The following S100A2 variants were observed in gnomAD, a reference collection of about 807,000 sequenced individuals.
S100A2 encodes S100 calcium binding protein A2, also known as protein S100-A2.
In S100A2, 5 loss-of-function variants were observed where a neutral mutation model predicts 4.3. The ratio of observed to expected loss-of-function variants is 1.16; its 90% CI spans 0.61 to 2.44. The LOEUF (loss-of-function observed/expected upper bound fraction) is 2.44, where lower values mean the gene tolerates loss of function less well. S100A2 is among the 30% of genes most tolerant of loss of function. The pLI, the probability that S100A2 is intolerant of heterozygous loss-of-function variation, is 0.01. For missense variants in S100A2, 103 were observed against 114.7 expected (o/e 0.90, Z 0.47); for synonymous variants, 44 against 46.0 (o/e 0.96, Z 0.17).
chr1:153,561,311 G>T lies in S100A2; in HGVS notation c.*128C>A. 1 of 1,202,458 alleles carries T rather than the reference G, an allele frequency of 8.3e-7. No individual in the cohort carries two copies. Among genetic ancestry groups the T allele is most frequent in the Non-Finnish European group, 1.2e-6 (1 of 851,866 alleles). 74.5% of individuals were successfully genotyped at this position (1,202,458 alleles called of 1,614,324 possible). A position where few individuals can be genotyped will look rare whatever the true frequency, so the allele number is the denominator to read the frequency against. ...CCCAGCACTCCAGCTGAGCCAGCCG[G>T]GTTATGGAACATCACTGAGCAATTA... On this transcript the variant is annotated 3_prime_UTR_variant, in exon 3 of 3. Coordinates refer to ENST00000368708, the MANE Select transcript of S100A2 (RefSeq NM_005978.4).
chr1:153,564,037 G>A, intron 1 of S100A2, 150 bp from the exon 2 acceptor site: 1 of 756,908 alleles, frequency 1.3e-6, no homozygotes, highest in Non-Finnish European at 2.0e-6. Context: ...CCCTCAGACT[G>A]TGGTTCCCTG....
Position 153,563,395 on chromosome 1 carries a change from AAG to A in S100A2, c.144+337_144+338del, listed in dbSNP as rs749961280. 8.5e-5 allele frequency: 127 copies of A among 1,501,052 alleles called. 1 individual carries two copies. The highest frequency in any genetic ancestry group is 3.5e-4 in the Middle Eastern group (2 of 5,762). 93.0% of individuals were successfully genotyped at this position (1,501,052 alleles called of 1,614,324 possible). A position where few individuals can be genotyped will look rare whatever the true frequency, so the allele number is the denominator to read the frequency against. Reference sequence around the variant, plus strand: ...CTCAAAAAAAAAAAAAAGAAAAGAAAAGAGAGAGAGAGAACGTGCCAGTGCTG... The same window carrying A: ...CTCAAAAAAAAAAAAAAGAAAAGAAAAGAGAGAGAGAACGTGCCAGTGCTG... On this transcript the variant is annotated intron_variant, in intron 2 of 2. Transcript: ENST00000368708.
At chr1:153,562,819 C>T (rs529777903) in intron 2 of S100A2, among the ~76,000 whole-genome samples, 1 of 151,718 alleles carries the variant, frequency 6.6e-6, no homozygotes, top group South Asian at 2.1e-4. Flanking sequence ...AGCAAGACTC[C>T]ATCTCTACAA....
chr1:153,561,887 T>C lies in S100A2; in HGVS notation c.145-296A>G, dbSNP rs552497272. Among the ~76,000 whole-genome samples, 12 of 152,320 alleles carry C rather than the reference T, an allele frequency of 7.9e-5. 2 individuals carry two copies. The highest frequency in any genetic ancestry group is 2.9e-4 in the African/African-American group (12 of 41,576). On this transcript the variant is annotated intron_variant, in intron 2 of 2. Coordinates refer to ENST00000368708, the MANE Select transcript of S100A2 (RefSeq NM_005978.4). The stretch of plus-strand genomic sequence containing the variant: ...TCCCACAGGAGCCCAGCGAGGTAGG[T>C]ATCATCACCCCATTCTGCTGATGAG...
chr1:153,563,759 T>C lies in S100A2; in HGVS notation c.119A>G (p.His40Arg). 2.5e-6 allele frequency: 4 copies of C among 1,614,172 alleles called. No homozygotes were observed. The highest frequency in any genetic ancestry group is 3.4e-6 in the Non-Finnish European group (4 of 1,180,004). Reference sequence around the variant, plus strand: ...CCCCACAAAGCTGGGCAGCTCCTTGTGCAGAAGTTCCTTCATTTCCCCCTT... The same window carrying C: ...CCCCACAAAGCTGGGCAGCTCCTTGCGCAGAAGTTCCTTCATTTCCCCCTT... ...LSKGEMKELL[H>R]KELPSFVGEK... is the part of the protein sequence containing the mutation. Residue 40 changes from histidine (H) to arginine (R), a missense_variant, in exon 2 of 3, where the codon CAC (histidine) becomes CGC (arginine). By Grantham distance (29) the His-to-Arg change is conservative. Coordinates refer to ENST00000368708, the MANE Select transcript of S100A2 (RefSeq NM_005978.4).
At chr1:153,563,497 G>A in intron 2 of S100A2, 2 of 1,550,676 alleles carry the variant, frequency 1.3e-6, no homozygotes, top group Non-Finnish European at 1.7e-6. Flanking sequence ...TTAAACAGAT[G>A]GACTCGGAAG....
chr1:153,564,174 A>T (rs1390603140), intron 1 of S100A2: 1 of 317,478 alleles, frequency 3.1e-6, no homozygotes, highest in East Asian at 5.8e-5. Flanking sequence ...TCCCCATTTT[A>T]GTGTCTGCCA....
intron 2 of S100A2, among the ~76,000 whole-genome samples, chr1:153,562,870 T>C (rs1178043727): frequency 6.6e-6 from 1 of 151,204 alleles, no homozygotes; most frequent in East Asian, 1.9e-4. Flanking sequence ...ACTCCTGTAG[T>C]TCCAACTACT....
chr1:153,563,381 AAAAAAG>A (rs1312522109), intron 2 of S100A2: 17 of 1,526,448 alleles, frequency 1.1e-5, no homozygotes, highest in Middle Eastern at 1.7e-4. Flanking sequence ...TCAAAAAAAA[AAAAAAG>A]AAAAGAAAAG....
intron 2 of S100A2, chr1:153,563,512 T>C (rs559639926): frequency 6.4e-7 from 1 of 1,550,770 alleles, no homozygotes; most frequent in East Asian, 2.4e-5. Flanking sequence ...CGGAAGGCCC[T>C]CACAGCACAT....
rs1486747555 is a variant in S100A2, at chr1:153,561,575, T to C, written c.161A>G (p.Glu54Gly). The change falls in exon 3 of 3, where the codon GAG becomes GGG. Residue 54 changes from glutamate (E) to glycine (G), a missense_variant. Coordinates refer to ENST00000368708, the MANE Select transcript of S100A2 (RefSeq NM_005978.4). ...GCTGCCCATCAGCTTCTTCAGCCCC[T>C]CCTCATCCACTTTCTCCTGAAAGTG... is the stretch of plus-strand genomic sequence containing the variant. Reference protein sequence around the residue: ...PSFVGEKVDEEGLKKLMGSLD... With the variant: ...PSFVGEKVDEGGLKKLMGSLD... 8 of 1,613,988 alleles carry C rather than the reference T, an allele frequency of 5.0e-6. No homozygotes were observed. The African/African-American group carries it at 9.3e-5, about 19-fold the overall frequency.
At chr1:153,562,583 A>G (rs1261571368) in intron 2 of S100A2, among the ~76,000 whole-genome samples, 1 of 152,224 alleles carries the variant, frequency 6.6e-6, no homozygotes, top group Non-Finnish European at 1.5e-5. Context: ...ATGAGTCAGT[A>G]TAGGGAGGGT....
intron 2 of S100A2, chr1:153,563,416 A>C: frequency 6.5e-7 from 1 of 1,549,672 alleles, no homozygotes; most frequent in Non-Finnish European, 8.7e-7. Context: ...AGAACGTGCC[A>C]GTGCTGTGTG....
chr1:153,561,778 C>T (rs917366491), intron 2 of S100A2, among the ~76,000 whole-genome samples, 187 bp from the exon 3 acceptor site: 4 of 152,226 alleles, frequency 2.6e-5, no homozygotes, highest in Admixed American at 2.0e-4. Context: ...GAGACAGATA[C>T]TCATTGGTGA....
intron 2 of S100A2, chr1:153,563,401 G>C: frequency 6.5e-7 from 1 of 1,537,320 alleles, no homozygotes; most frequent in Non-Finnish European, 8.8e-7. Flanking sequence ...AGAAAAGAGA[G>C]AGAGAGAACG....
At chr1:153,564,500 T>C (rs1665965259) in intron 1 of S100A2, among the ~76,000 whole-genome samples, 1 of 152,202 alleles carries the variant, frequency 6.6e-6, no homozygotes, top group Non-Finnish European at 1.5e-5. Flanking sequence ...CCTGAGCCTC[T>C]AGGCAGACAG....
Position 153,561,704 on chromosome 1 carries a change from C to A in S100A2, c.145-113G>T, listed in dbSNP as rs59462422. 1,974 of 1,490,904 alleles carry A rather than the reference C, an allele frequency of 1.3e-3. 19 individuals are homozygous for A. The African/African-American group carries it at 0.023, about 18-fold the overall frequency. The allele number at this position is 1,490,904 out of a possible 1,614,324, so 92.4% of individuals were successfully genotyped here. A position where few individuals can be genotyped will look rare whatever the true frequency, so the allele number is the denominator to read the frequency against. ...TTCCCAGCTCTCCCTCCCCACTGGG[C>A]AGCTGGGTATAAGGTGGGCAGGAGG... On this transcript the variant is annotated intron_variant, in intron 2 of 2. Coordinates refer to ENST00000368708, the MANE Select transcript of S100A2 (RefSeq NM_005978.4).
Position 153,563,695 on chromosome 1 carries a change from C to G in S100A2, c.144+39G>C, listed in dbSNP as rs1557899437. On this transcript the variant is annotated intron_variant, in intron 2 of 2. Transcript: ENST00000368708. ...GAGAGATTTAACCTGCACCCCCACA[C>G]TCACACCAGGACCTCCCCCACAGGC... The G allele has an allele frequency of 2.5e-6, 4 of 1,599,862 alleles. No individual in the cohort carries two copies. In the South Asian group the frequency reaches 4.5e-5, roughly 18 times the overall value.
chr1:153,563,245 G>A lies in S100A2; in HGVS notation c.144+489C>T, dbSNP rs753223010. ...AAATTAGCTGGGCGTAGTGGGATGC[G>A]CCTGTAGTCCCAGCTACTCAGGAGG... is the stretch of plus-strand genomic sequence containing the variant. On this transcript the variant is annotated intron_variant, in intron 2 of 2. Coordinates refer to ENST00000368708, the MANE Select transcript of S100A2 (RefSeq NM_005978.4). Among the ~76,000 whole-genome samples, 25 of 152,078 alleles carry A rather than the reference G, an allele frequency of 1.6e-4. 1 individual carries two copies. Among genetic ancestry groups the A allele is most frequent in the Admixed American group, 5.9e-4 (9 of 15,274 alleles).
Sources: allele counts gnomAD v4.1 joint callset (sites outside exome capture counted in the v4.1 genomes callset), GRCh38; gene constraint gnomAD v4.1.1; transcripts MANE v1.5; gene names NCBI Gene and HGNC (gene_info 2026-07-23, HGNC 2026-07-21).